Variants in EDEM3 observed in about 807,000 individuals in gnomAD.
EDEM3 encodes the protein ER degradation-enhancing alpha-mannosidase-like protein 3.
In EDEM3, 60 loss-of-function variants were observed where a neutral mutation model predicts 110.2. The ratio of observed to expected loss-of-function variants is 0.54; its 90% CI spans 0.44 to 0.67. The LOEUF (loss-of-function observed/expected upper bound fraction) is 0.67, where lower values mean the gene tolerates loss of function less well. Among genes scored for constraint, EDEM3 ranks in the 30% least tolerant of loss-of-function variants. The probability of loss-of-function intolerance (pLI) is 0.00; values close to 1 mark genes in which losing one functional copy is unlikely to be tolerated. For missense variants in EDEM3, 996 were observed against 1,121.0 expected, an observed-to-expected ratio of 0.89 and a Z score of 1.59; for synonymous variants, 352 against 382.9, an observed-to-expected ratio of 0.92 and a Z score of 0.94.
At chr1:184,695,851 T>C (rs946601836) in intron 19 of EDEM3, among the ~76,000 whole-genome samples, 2 of 151,922 alleles carry the variant, frequency 1.3e-5, no homozygotes. Context: ...AATGTAGACA[T>C]GCAGGAAGGT....
At chr1:184,713,667 A>G (rs956247645) in intron 13 of EDEM3, among the ~76,000 whole-genome samples, 3 of 152,224 alleles carry the variant, frequency 2.0e-5, no homozygotes, top group Non-Finnish European at 4.4e-5. Context: ...GCAAGTTTAA[A>G]CAGCGTGATT....
chr1:184,738,438 T>C (rs147637270), intron 2 of EDEM3, among the ~76,000 whole-genome samples: 2,945 of 152,264 alleles, frequency 0.019, 37 homozygotes, highest in Non-Finnish European at 0.027. Context: ...CTGATGAACA[T>C]GGAGGTTGAT....
chr1:184,725,064 A>T lies in EDEM3; in HGVS notation c.747+1191T>A, dbSNP rs750632945. 2.8e-4 allele frequency among the ~76,000 whole-genome samples: 43 copies of T among 152,214 alleles called. 1 individual carries two copies. Among genetic ancestry groups the T allele is most frequent in the Non-Finnish European group, 4.0e-4 (27 of 68,026 alleles). Reference sequence around the variant, plus strand: ...TGTTCCAATAAAGCTTTATTTATAAAAACAGGCAGTGGCTGCACTTTGCTC... The same window carrying T: ...TGTTCCAATAAAGCTTTATTTATAATAACAGGCAGTGGCTGCACTTTGCTC... On this transcript the variant is annotated intron_variant, in intron 7 of 19. Transcript: ENST00000318130.
chr1:184,743,616 G>A (rs1652261232), intron 2 of EDEM3, among the ~76,000 whole-genome samples: 1 of 152,188 alleles, frequency 6.6e-6, no homozygotes, highest in East Asian at 1.9e-4. Flanking sequence ...TTTGCTCCTA[G>A]ATCTGGTAAC....
chr1:184,705,687 T>C (rs1295988203), intron 18 of EDEM3, among the ~76,000 whole-genome samples: 2 of 152,134 alleles, frequency 1.3e-5, no homozygotes, highest in South Asian at 2.1e-4. Flanking sequence ...ACCTTAACTA[T>C]TGGGCGGCAG....
chr1:184,741,020 C>T (rs554764943), intron 2 of EDEM3, among the ~76,000 whole-genome samples: 39 of 152,244 alleles, frequency 2.6e-4, no homozygotes, highest in Middle Eastern at 3.4e-3. Flanking sequence ...AAAGATGCCT[C>T]CTCTGTAACT....
chr1:184,724,534 A>C (rs1651089181), intron 7 of EDEM3, among the ~76,000 whole-genome samples: 1 of 152,310 alleles, frequency 6.6e-6, no homozygotes, highest in South Asian at 2.1e-4. Flanking sequence ...ACAAAATATA[A>C]ATGCAAAGGG....
At chr1:184,715,126 C>T (rs1650471573) in intron 13 of EDEM3, among the ~76,000 whole-genome samples, 1 of 152,080 alleles carries the variant, frequency 6.6e-6, no homozygotes, top group Non-Finnish European at 1.5e-5. Flanking sequence ...TGAATACAGA[C>T]AGTTATGGTG....
intron 6 of EDEM3, among the ~76,000 whole-genome samples, chr1:184,727,448 C>T (rs1310769752): frequency 6.6e-6 from 1 of 152,118 alleles, no homozygotes; most frequent in East Asian, 1.9e-4. Context: ...ACACATAAAA[C>T]ATCACGGGTA....
intron 16 of EDEM3, among the ~76,000 whole-genome samples, chr1:184,709,257 T>TTGA (rs1650096110): frequency 6.6e-6 from 1 of 152,106 alleles, no homozygotes; most frequent in South Asian, 2.1e-4. Context: ...AGATGCAAGA[T>TTGA]GTATGAGAGG....
intron 19 of EDEM3, chr1:184,701,612 A>G: frequency 8.9e-7 from 1 of 1,128,612 alleles, no homozygotes; most frequent in East Asian, 5.9e-5. Flanking sequence ...TACAAGAAAT[A>G]ATAATTTGCC....
At chr1:184,696,567 T>C (rs891152877) in intron 19 of EDEM3, among the ~76,000 whole-genome samples, 1 of 151,856 alleles carries the variant, frequency 6.6e-6, no homozygotes, top group African/African-American at 2.4e-5. Context: ...AAGTTTACAT[T>C]CTTAGGGTTT....
intron 6 of EDEM3, among the ~76,000 whole-genome samples, chr1:184,728,626 G>A (rs1269104081): frequency 6.9e-6 from 1 of 144,258 alleles, no homozygotes; most frequent in Non-Finnish European, 1.5e-5. Flanking sequence ...TTAATTTTTT[G>A]TGGGGATGGA....
At chr1:184,728,917 G>T (rs1441010360) in intron 6 of EDEM3, among the ~76,000 whole-genome samples, 1 of 152,100 alleles carries the variant, frequency 6.6e-6, no homozygotes, top group East Asian at 1.9e-4. Context: ...CAGTATTAAA[G>T]AACTTTTAAA....
intron 6 of EDEM3, among the ~76,000 whole-genome samples, chr1:184,729,893 C>T (rs1021719701): frequency 6.6e-5 from 10 of 152,116 alleles, no homozygotes; most frequent in Admixed American, 5.9e-4. Context: ...AAATCTAACA[C>T]CTCCATTTAT....
At chr1:184,735,100 G>A (rs928983321) in intron 4 of EDEM3, among the ~76,000 whole-genome samples, 13 of 152,150 alleles carry the variant, frequency 8.5e-5, no homozygotes, top group African/African-American at 3.1e-4. Flanking sequence ...TCACTCCATG[G>A]ATGCCCTGTT....
intron 16 of EDEM3, among the ~76,000 whole-genome samples, chr1:184,709,628 T>C (rs1257298003): frequency 6.6e-6 from 1 of 152,152 alleles, no homozygotes; most frequent in Non-Finnish European, 1.5e-5. Flanking sequence ...GCAGCCTAAG[T>C]AAGTAAAAGC....
At position 184,719,445 on chromosome 1, in the gene EDEM3, G is replaced by A; in HGVS notation, c.1075C>T (p.Gln359Ter). The A allele has an allele frequency of 6.2e-7, 1 of 1,612,216 alleles. No individual in the cohort carries two copies. The highest frequency in any genetic ancestry group is 1.7e-5 in the Admixed American group (1 of 59,530). ...DALLAFFPGL[Q>*]VLKGDIRPAI... ...TAAGAAGACAGAATTCTTTATACCT[G>A]CAAGCCTGGGAAGAAGGCAAGCAAA... The change falls in exon 10 of 20, where the codon CAG (glutamine) becomes TAG (stop). Residue 359 changes from glutamine (Q) to a stop codon, truncating the protein, a stop_gained and splice_region_variant. Transcript: ENST00000318130. LOFTEE classifies it high-confidence loss of function.
At chr1:184,694,959 CAT>C (rs1357969866) in intron 19 of EDEM3, among the ~76,000 whole-genome samples, 1 of 151,918 alleles carries the variant, frequency 6.6e-6, no homozygotes, top group Non-Finnish European at 1.5e-5. Context: ...AAGCAGATAA[CAT>C]AGATTTTTTT....
Sources: allele counts gnomAD v4.1 joint callset (sites outside exome capture counted in the v4.1 genomes callset), GRCh38; gene constraint gnomAD v4.1.1; transcripts MANE v1.5; gene names NCBI Gene and HGNC (gene_info 2026-07-23, HGNC 2026-07-21).